RNF214: variants seen among roughly 807,000 people sequenced by gnomAD.
RNF214 encodes ring finger protein 214.
Under a neutral mutation model 75.9 loss-of-function variants are expected in RNF214, and 25 were observed. That is an observed-to-expected ratio of 0.33 (90% CI 0.24 to 0.46). The LOEUF is 0.46. RNF214 is among the 20% of genes least tolerant of loss of function. RNF214 has a pLI of 1.00. For missense variants in RNF214, 725 were observed against 857.5 expected, an observed-to-expected ratio of 0.85 and a Z score of 1.93; for synonymous variants, 314 against 308.8, an observed-to-expected ratio of 1.02 and a Z score of -0.18.
intron 5 of RNF214, among the ~76,000 whole-genome samples, chr11:117,246,465 A>G (rs957611741): frequency 4.6e-5 from 7 of 152,230 alleles, no homozygotes; most frequent in African/African-American, 1.7e-4. Context: ...CCCTGGTACA[A>G]GAACACCTTT....
chr11:117,248,386 G>A (rs1271564688), intron 6 of RNF214, among the ~76,000 whole-genome samples: 1 of 152,126 alleles, frequency 6.6e-6, no homozygotes, highest in East Asian at 1.9e-4. Flanking sequence ...AATTTTCTAA[G>A]TTTCTTAAAA....
At chr11:117,260,466 T>C (rs995394981) in intron 6 of RNF214, among the ~76,000 whole-genome samples, 4 of 152,152 alleles carry the variant, frequency 2.6e-5, no homozygotes, top group Non-Finnish European at 4.4e-5. Context: ...ATAGTAGGTG[T>C]AATTCTGAAT....
intron 6 of RNF214, among the ~76,000 whole-genome samples, chr11:117,266,529 T>G (rs1419280938): frequency 6.6e-6 from 1 of 152,042 alleles, no homozygotes; most frequent in Admixed American, 6.6e-5. Flanking sequence ...CTGGCTAATT[T>G]TTGTATTTTG....
intron 6 of RNF214, among the ~76,000 whole-genome samples, chr11:117,261,685 G>T (rs773860706): frequency 1.2e-4 from 18 of 151,860 alleles, no homozygotes; most frequent in Non-Finnish European, 2.2e-4. Flanking sequence ...TCCCTCTGTC[G>T]CCCAGGATGG....
chr11:117,268,864 G>GAGAGGCTAT (rs2033850526), intron 6 of RNF214, among the ~76,000 whole-genome samples: 1 of 152,122 alleles, frequency 6.6e-6, no homozygotes, highest in Non-Finnish European at 1.5e-5. Context: ...TCATAAGTTT[G>GAGAGGCTAT]AGAGGCTATA....
chr11:117,275,124 T>C (rs929172372), intron 6 of RNF214, among the ~76,000 whole-genome samples: 13 of 152,174 alleles, frequency 8.5e-5, no homozygotes, highest in African/African-American at 2.9e-4. Flanking sequence ...CTCAAACCTA[T>C]AGAAATTAGA....
chr11:117,236,578 C>T lies in RNF214; in HGVS notation c.108-2023C>T, dbSNP rs2032918377. Among the ~76,000 whole-genome samples, 2 of 152,160 alleles carry T rather than the reference C, an allele frequency of 1.3e-5. 1 individual carries two copies. Among genetic ancestry groups the T allele is most frequent in the African/African-American group, 4.8e-5 (2 of 41,424 alleles). ...TGAGCCACCGCACCTGGCCGTCCCT[C>T]AACTCTTTTCCAGTGTACCTGGGTC... On this transcript the variant is annotated intron_variant, in intron 2 of 14. Transcript: ENST00000300650.
At chr11:117,253,411 A>G (rs1012028733) in intron 6 of RNF214, among the ~76,000 whole-genome samples, 23 of 152,206 alleles carry the variant, frequency 1.5e-4, no homozygotes, top group African/African-American at 5.3e-4. Flanking sequence ...TTGTCCTGGA[A>G]ATTGTCTTGC....
chr11:117,238,980 G>C lies in RNF214; in HGVS notation c.487G>C (p.Gly163Arg). The C allele has an allele frequency of 6.2e-7, 1 of 1,614,184 alleles. No individual in the cohort carries two copies. Among genetic ancestry groups the C allele is most frequent in the Non-Finnish European group, 8.5e-7 (1 of 1,180,040 alleles). The change falls in exon 3 of 15, where the codon GGT (glycine) becomes CGT (arginine). Residue 163 changes from glycine to arginine, a missense_variant. By Grantham distance (125) the Gly-to-Arg change is moderately radical. Coordinates refer to ENST00000300650, the MANE Select transcript of RNF214 (RefSeq NM_207343.4). The stretch of plus-strand genomic sequence containing the variant: ...CCCACAAACCTCCATCCTAAAGGAA[G>C]GTAACAGGGACACAAGCTTGGATTT... ...KSPQTSILKE[G>R]NRDTSLDFRP...
chr11:117,264,880 A>G (rs947929824), intron 6 of RNF214, among the ~76,000 whole-genome samples: 2 of 152,118 alleles, frequency 1.3e-5, no homozygotes, highest in South Asian at 2.1e-4. Flanking sequence ...CCTGGCCAAC[A>G]TGGTGAAACC....
intron 4 of RNF214, 41 bp from the exon 5 acceptor site, chr11:117,244,404 T>G: frequency 1.3e-6 from 2 of 1,573,098 alleles, no homozygotes; most frequent in Admixed American, 3.5e-5. Flanking sequence ...TTTCTTGTGA[T>G]TAAATTAGGA....
chr11:117,255,760 A>G (rs867476432), intron 6 of RNF214, among the ~76,000 whole-genome samples: 1 of 152,010 alleles, frequency 6.6e-6, no homozygotes, highest in Non-Finnish European at 1.5e-5. Flanking sequence ...GTCACTGTCA[A>G]GTTCTCTTTA....
rs201397628 is a variant in RNF214 at position 117,285,163 on chromosome 11, G to A, written c.*12G>A. The A allele has an allele frequency of 3.7e-5, 59 of 1,593,282 alleles. No homozygotes were observed. The highest frequency in any genetic ancestry group is 2.8e-5 in the Non-Finnish European group (33 of 1,161,230). On this transcript the variant is annotated 3_prime_UTR_variant, in exon 15 of 15. Transcript: ENST00000300650. ...CAACTCTTAAATGACGGACCTGACT[G>A]GGGAGGAAGAAGAAGAGAAACTGAT...
At position 117,281,992 on chromosome 11, in the gene RNF214, T is replaced by C. The variant is rs780644592; in HGVS notation, c.1434T>C (p.Ser478=). The C allele has an allele frequency of 1.9e-6, 3 of 1,614,146 alleles. No individual in the cohort carries two copies. Among genetic ancestry groups the C allele is most frequent in the Non-Finnish European group, 2.5e-6 (3 of 1,180,026 alleles). Reference sequence around the variant, plus strand: ...TCACAATGCCCATGGTTATGCCCAGTGCAGATCCCCGCTCCTTGTCTTTCC... The same window carrying C: ...TCACAATGCCCATGGTTATGCCCAGCGCAGATCCCCGCTCCTTGTCTTTCC... The part of the protein sequence containing the change: ...GQVTMPMVMP[S]ADPRSLSFPI... Residue 478 remains serine, a synonymous_variant, in exon 11 of 15, where the codon AGT becomes AGC. Coordinates refer to ENST00000300650, the MANE Select transcript of RNF214 (RefSeq NM_207343.4).
At chr11:117,246,124 C>G (rs1437717369) in intron 5 of RNF214, among the ~76,000 whole-genome samples, 4 of 152,048 alleles carry the variant, frequency 2.6e-5, no homozygotes, top group African/African-American at 9.7e-5. Context: ...GCCACCACAC[C>G]TGGCTAATTT....
intron 6 of RNF214, among the ~76,000 whole-genome samples, chr11:117,278,564 T>A (rs1357430981): frequency 1.3e-5 from 2 of 152,024 alleles, no homozygotes; most frequent in Admixed American, 1.3e-4. Context: ...AAGTCATCCA[T>A]CCTGGGAAAT....
At chr11:117,254,919 C>G (rs2033483960) in intron 6 of RNF214, among the ~76,000 whole-genome samples, 3 of 152,186 alleles carry the variant, frequency 2.0e-5, no homozygotes, top group Admixed American at 2.0e-4. Flanking sequence ...AGCCACTGCG[C>G]CTAGCCCACC....
chr11:117,270,425 TTTA>T (rs1193953729), intron 6 of RNF214, among the ~76,000 whole-genome samples: 4 of 151,508 alleles, frequency 2.6e-5, no homozygotes, highest in African/African-American at 9.7e-5. Context: ...ACCACTCTAA[TTTA>T]TTTACTTATT....
chr11:117,254,334 T>C (rs563920880), intron 6 of RNF214, among the ~76,000 whole-genome samples: 65 of 152,304 alleles, frequency 4.3e-4, no homozygotes, highest in African/African-American at 1.5e-3. Flanking sequence ...CCCTTGAATG[T>C]ACTTGAATGT....
Sources: gnomAD v4.1 joint callset for allele counts (sites outside exome capture counted in the v4.1 genomes callset) on GRCh38, gnomAD v4.1.1 for gene constraint, MANE v1.5 for transcripts, NCBI Gene and HGNC (gene_info 2026-07-23, HGNC 2026-07-21) for gene names.